CTNNA3: variants seen among roughly 807,000 people sequenced by gnomAD.
CTNNA3 encodes catenin alpha-3.
In CTNNA3, 76 loss-of-function variants were observed where a neutral mutation model predicts 95.7. The ratio of observed to expected loss-of-function variants is 0.79; its 90% CI spans 0.66 to 0.96. CTNNA3 has a LOEUF of 0.96. CTNNA3 is among the 40% of genes least tolerant of loss of function. CTNNA3 has a pLI of 0.00. For synonymous variants in CTNNA3, 431 were observed against 374.4 expected (o/e 1.15, Z -1.74); for missense variants, 1,191 against 1,089.8 (o/e 1.09, Z -1.31).
intron 12 of CTNNA3, among the ~76,000 whole-genome samples, chr10:66,345,690 C>G (rs1297075254): frequency 6.6e-6 from 1 of 152,002 alleles, no homozygotes; most frequent in African/African-American, 2.4e-5. Context: ...CATGATATAG[C>G]AAAATAATTT....
chr10:66,213,805 GTA>G (rs1330286593), intron 13 of CTNNA3, among the ~76,000 whole-genome samples: 1 of 152,160 alleles, frequency 6.6e-6, no homozygotes, highest in East Asian at 1.9e-4. Flanking sequence ...GTAAGAAAGG[GTA>G]GTAGGCTACT....
At chr10:66,026,651 CTG>C (rs139658562) in intron 15 of CTNNA3, among the ~76,000 whole-genome samples, 2,667 of 152,214 alleles carry the variant, frequency 0.018, 33 homozygotes, top group Non-Finnish European at 0.029. Context: ...GAGCAACAAA[CTG>C]TGTCTAGAGT....
Position 67,632,126 on chromosome 10 carries a change from CCACACACACACA to C in CTNNA3, c.99+15277_99+15288del, listed in dbSNP as rs71006156. ...AGAAAGTAGATTTTAAGTGTCTTAG[CCACACACACACA>C]CACACACACACACACACACACACAC... On this transcript the variant is annotated intron_variant, in intron 2 of 17. Coordinates refer to ENST00000433211, the MANE Select transcript of CTNNA3 (RefSeq NM_013266.4). Among the ~76,000 whole-genome samples, 504 of 139,056 alleles carry C rather than the reference CCACACACACACA, an allele frequency of 3.6e-3. 4 individuals are homozygous for C. The highest frequency in any genetic ancestry group is 0.012 in the African/African-American group (439 of 37,120). The allele number at this position is 139,056 out of a possible 152,430, so 91.2% of individuals were successfully genotyped here.
intron 9 of CTNNA3, among the ~76,000 whole-genome samples, chr10:66,646,702 T>G (rs1845719045): frequency 6.6e-6 from 1 of 152,182 alleles, no homozygotes; most frequent in Admixed American, 6.5e-5. Context: ...CAACCTGAGC[T>G]TCCATCATTC....
rs563239105 is a variant in CTNNA3, at chr10:65,937,991, C to T, written c.2401-17374G>A. Among the ~76,000 whole-genome samples, 414 of 151,342 alleles carry T rather than the reference C, an allele frequency of 2.7e-3. 2 individuals are homozygous for T. Among genetic ancestry groups the T allele is most frequent in the African/African-American group, 9.7e-3 (403 of 41,446 alleles). The stretch of plus-strand genomic sequence containing the variant: ...AAAAAACTCAAAAAACAAACAAAAA[C>T]CATGTATTAGTTATTCTGATGTTGT... On this transcript the variant is annotated intron_variant, in intron 17 of 17. Coordinates refer to ENST00000433211, the MANE Select transcript of CTNNA3 (RefSeq NM_013266.4).
At chr10:66,766,759 C>T (rs1839875208) in intron 8 of CTNNA3, among the ~76,000 whole-genome samples, 4 of 152,078 alleles carry the variant, frequency 2.6e-5, no homozygotes, top group Admixed American at 2.0e-4. Context: ...TAATATTGTA[C>T]ATCTTGTATT....
rs989412169 is a variant in CTNNA3, at chr10:66,859,909, C to T, written c.1048-84385G>A. Among the ~76,000 whole-genome samples, 82 of 130,868 alleles carry T rather than the reference C, an allele frequency of 6.3e-4. No homozygotes were observed. In the Middle Eastern group the frequency reaches 0.014, roughly 23 times the overall value. 85.9% of individuals were successfully genotyped at this position (130,868 alleles called of 152,430 possible). ...GAAATCATCATTCTCAGTAAACTAT[C>T]GCAAGGACAAAAAACCAAACACCAC... On this transcript the variant is annotated intron_variant, in intron 7 of 17. Coordinates refer to ENST00000433211, the MANE Select transcript of CTNNA3 (RefSeq NM_013266.4).
chr10:67,164,789 A>C (rs1564935353), intron 7 of CTNNA3, among the ~76,000 whole-genome samples: 1 of 152,222 alleles, frequency 6.6e-6, no homozygotes, highest in African/African-American at 2.4e-5. Context: ...ACATGAAAAG[A>C]TGTTTGACAT....
Position 67,305,004 on chromosome 10 carries a change from C to T in CTNNA3, c.580-85134G>A, listed in dbSNP as rs151253539. ...AAAATGTGAGGTATTAGGCTGGGTG[C>T]GGTGGCTCATGCCTGTAATCCCAGC... is the stretch of plus-strand genomic sequence containing the variant. On this transcript the variant is annotated intron_variant, in intron 5 of 17. Coordinates refer to ENST00000433211, the MANE Select transcript of CTNNA3 (RefSeq NM_013266.4). Among the ~76,000 whole-genome samples, 69 of 152,080 alleles carry T rather than the reference C, an allele frequency of 4.5e-4. No individual in the cohort carries two copies. The East Asian group carries it at 7.2e-3, about 16-fold the overall frequency.
At position 66,816,577 on chromosome 10, in the gene CTNNA3, T is replaced by C. The variant is rs79648094; in HGVS notation, c.1048-41053A>G. On this transcript the variant is annotated intron_variant, in intron 7 of 17. Coordinates refer to ENST00000433211, the MANE Select transcript of CTNNA3 (RefSeq NM_013266.4). ...CAAATAGAAATTTCAACAATACCAG[T>C]TGGAGGCTTTAATACCTCATGTCTA... 7.5e-3 allele frequency among the ~76,000 whole-genome samples: 1,141 copies of C among 152,186 alleles called. 8 individuals carry two copies. Among genetic ancestry groups the C allele is most frequent in the Non-Finnish European group, 0.012 (798 of 67,934 alleles).
intron 13 of CTNNA3, among the ~76,000 whole-genome samples, chr10:66,253,855 C>T (rs2090654840): frequency 6.6e-6 from 1 of 152,090 alleles, no homozygotes; most frequent in African/African-American, 2.4e-5. Flanking sequence ...CAGAGAGTCC[C>T]TTGTGCATAT....
At chr10:67,056,016 A>G (rs1230594692) in intron 7 of CTNNA3, among the ~76,000 whole-genome samples, 2 of 152,072 alleles carry the variant, frequency 1.3e-5, no homozygotes, top group Non-Finnish European at 2.9e-5. Context: ...CTTTTGCCAC[A>G]TGTAATATAT....
intron 5 of CTNNA3, among the ~76,000 whole-genome samples, chr10:67,224,366 T>A (rs781450130): frequency 3.3e-5 from 5 of 152,222 alleles, no homozygotes; most frequent in Non-Finnish European, 7.3e-5. Context: ...CCGGGCTTAT[T>A]TGACTTAGCA....
intron 7 of CTNNA3, among the ~76,000 whole-genome samples, chr10:67,000,340 A>G (rs1317245248): frequency 6.6e-6 from 1 of 152,196 alleles, no homozygotes; most frequent in Non-Finnish European, 1.5e-5. Flanking sequence ...TGCTGACCCA[A>G]TAGACAAGAC....
intron 2 of CTNNA3, among the ~76,000 whole-genome samples, chr10:67,608,215 T>G (rs532311418): frequency 6.6e-6 from 1 of 152,186 alleles, no homozygotes; most frequent in East Asian, 1.9e-4. Context: ...AAGCAACCAC[T>G]GTTCTATATG....
intron 7 of CTNNA3, among the ~76,000 whole-genome samples, chr10:66,837,110 C>T (rs749850116): frequency 3.3e-5 from 5 of 152,240 alleles, no homozygotes; most frequent in Non-Finnish European, 7.4e-5. Flanking sequence ...ATCAGCAAAA[C>T]AGTTGCCTTT....
chr10:67,691,654 G>A lies in CTNNA3; in HGVS notation c.-6+4346C>T, dbSNP rs369742448. Among the ~76,000 whole-genome samples, 55 of 151,270 alleles carry A rather than the reference G, an allele frequency of 3.6e-4. No homozygotes were observed. In the East Asian group the frequency reaches 4.4e-3, roughly 12 times the overall value. On this transcript the variant is annotated intron_variant, in intron 1 of 17. Coordinates refer to ENST00000433211, the MANE Select transcript of CTNNA3 (RefSeq NM_013266.4). ...TGAGAAGTGAGGAGCCCCTCCGCCC[G>A]GCAGCCGCCCCATCTGAGAAGTGAG...
intron 7 of CTNNA3, among the ~76,000 whole-genome samples, chr10:67,003,486 G>A (rs1052647948): frequency 6.6e-6 from 1 of 151,968 alleles, no homozygotes; most frequent in African/African-American, 2.4e-5. Flanking sequence ...AATACTTTTG[G>A]GAAACTTTGC....
rs1410123618 is a variant in CTNNA3, at chr10:67,606,910, G to A, written c.239C>T (p.Ala80Val). ...CGTAAGCTCATCCTTTAAAACTGTA[G>A]CTTCCTGGGCAATCTTCTCTCCCTT... ...LDKGEKIAQE[A>V]TVLKDELTAS... The change falls in exon 3 of 18, where the codon GCT (alanine) becomes GTT (valine). Residue 80 changes from alanine to valine, a missense_variant. Coordinates refer to ENST00000433211, the MANE Select transcript of CTNNA3 (RefSeq NM_013266.4). 1 of 1,614,100 alleles carries A rather than the reference G, an allele frequency of 6.2e-7. No individual in the cohort carries two copies. Among genetic ancestry groups the A allele is most frequent in the Admixed American group, 1.7e-5 (1 of 60,020 alleles).
Sources: allele counts gnomAD v4.1 joint callset (sites outside exome capture counted in the v4.1 genomes callset), GRCh38; gene constraint gnomAD v4.1.1; transcripts MANE v1.5; gene names NCBI Gene and HGNC (gene_info 2026-07-23, HGNC 2026-07-21).